Variants in TPRG1 observed in about 807,000 individuals in gnomAD.
TPRG1 encodes tumor protein p63 regulated 1.
TPRG1 carries 29 observed loss-of-function variants against 29.3 expected under a neutral mutation model. The observed-to-expected ratio is 0.99, with a 90% CI of 0.74 to 1.35. The LOEUF is 1.35. Among genes scored for constraint, TPRG1 ranks in the 40% most tolerant of loss-of-function variants. The probability of loss-of-function intolerance (pLI) is 0.00; values close to 1 mark genes in which losing one functional copy is unlikely to be tolerated. For missense variants in TPRG1, 327 were observed against 335.0 expected (o/e 0.98, Z 0.19); for synonymous variants, 130 against 116.8 (o/e 1.11, Z -0.73).
intron 5 of TPRG1, among the ~76,000 whole-genome samples, chr3:189,313,643 C>A (rs1560691928): frequency 6.6e-6 from 1 of 152,108 alleles, no homozygotes; most frequent in Non-Finnish European, 1.5e-5. Context: ...AGAGTCATTT[C>A]TTCTACTGTA....
chr3:189,259,798 A>G (rs1181182804), intron 4 of TPRG1, among the ~76,000 whole-genome samples: 1 of 152,152 alleles, frequency 6.6e-6, no homozygotes, highest in Admixed American at 6.5e-5. Context: ...ATAAGAAACA[A>G]CAGTGAAGGA....
intron 3 of TPRG1, among the ~76,000 whole-genome samples, chr3:189,018,345 G>A (rs1244012967): frequency 3.6e-4 from 53 of 147,798 alleles, no homozygotes; most frequent in Non-Finnish European, 6.8e-4. Flanking sequence ...GTTTTCTTCT[G>A]GGGTTTTTAT....
intron 4 of TPRG1, among the ~76,000 whole-genome samples, chr3:189,084,457 A>C (rs1166943457): frequency 6.6e-6 from 1 of 152,104 alleles, no homozygotes; most frequent in Non-Finnish European, 1.5e-5. Flanking sequence ...TCAGAATTCC[A>C]CTCAGCTTGT....
At chr3:189,210,110 G>A (rs1374533184) in intron 2 of TPRG1, among the ~76,000 whole-genome samples, 2 of 152,014 alleles carry the variant, frequency 1.3e-5, no homozygotes, top group Non-Finnish European at 2.9e-5. Context: ...AAACTGGAGA[G>A]AAATGTGTGT....
intron 1 of TPRG1, among the ~76,000 whole-genome samples, chr3:189,190,724 A>G (rs1009766202): frequency 1.3e-5 from 2 of 152,218 alleles, no homozygotes; most frequent in Non-Finnish European, 2.9e-5. Context: ...ATCAATGTGC[A>G]TATTTTTATA....
chr3:189,317,803 C>T (rs1723784273), intron 5 of TPRG1, among the ~76,000 whole-genome samples: 1 of 152,086 alleles, frequency 6.6e-6, no homozygotes, highest in Non-Finnish European at 1.5e-5. Context: ...CTGATAAAGA[C>T]TAATTCAGTT....
chr3:189,290,965 C>G (rs536981337), intron 4 of TPRG1, among the ~76,000 whole-genome samples: 1 of 151,888 alleles, frequency 6.6e-6, no homozygotes, highest in Admixed American at 6.6e-5. Flanking sequence ...TGCAGTGGCC[C>G]GATCTCCACT....
intron 4 of TPRG1, among the ~76,000 whole-genome samples, chr3:189,027,019 A>C (rs1233788322): frequency 6.6e-6 from 1 of 152,184 alleles, no homozygotes; most frequent in African/African-American, 2.4e-5. Context: ...TGTGCTGATC[A>C]ATGTGTTAAC....
At chr3:189,184,750 C>G (rs1312337583) in intron 1 of TPRG1, among the ~76,000 whole-genome samples, 1 of 152,198 alleles carries the variant, frequency 6.6e-6, no homozygotes, top group Admixed American at 6.5e-5. Context: ...CTGATTACCT[C>G]TATGTTCTTC....
At chr3:189,144,044 A>C (rs1203556080) in intron 3 of TPRG1, among the ~76,000 whole-genome samples, 1 of 152,228 alleles carries the variant, frequency 6.6e-6, no homozygotes, top group Non-Finnish European at 1.5e-5. Flanking sequence ...TGCTTTCTGG[A>C]AACATTCTCA....
chr3:189,010,777 T>C (rs2152122671), intron 3 of TPRG1, among the ~76,000 whole-genome samples: 1 of 152,282 alleles, frequency 6.6e-6, no homozygotes, highest in East Asian at 1.9e-4. Flanking sequence ...AGCTCTTTAG[T>C]TAATTAGATC....
At chr3:189,230,382 T>C (rs1738449433) in intron 3 of TPRG1, among the ~76,000 whole-genome samples, 1 of 152,050 alleles carries the variant, frequency 6.6e-6, no homozygotes, top group Admixed American at 6.6e-5. Context: ...GGTTGTTCCA[T>C]CTGTAAAGTG....
At chr3:189,284,913 G>A (rs2109160030) in intron 4 of TPRG1, among the ~76,000 whole-genome samples, 1 of 152,182 alleles carries the variant, frequency 6.6e-6, no homozygotes, top group Admixed American at 6.5e-5. Flanking sequence ...CAAAAGCAAT[G>A]GCAACAAAAG....
At chr3:189,060,473 C>T (rs959364872) in intron 4 of TPRG1, among the ~76,000 whole-genome samples, 2 of 152,084 alleles carry the variant, frequency 1.3e-5, no homozygotes, top group Non-Finnish European at 2.9e-5. Flanking sequence ...AAATAAACAG[C>T]ATCCAAATTG....
intron 1 of TPRG1, among the ~76,000 whole-genome samples, chr3:189,184,113 G>C (rs2108709975): frequency 6.6e-6 from 1 of 152,260 alleles, no homozygotes; most frequent in Non-Finnish European, 1.5e-5. Context: ...CAGTCCCTCT[G>C]TTTGGGGTCC....
intron 4 of TPRG1, among the ~76,000 whole-genome samples, chr3:189,256,160 A>G (rs1711835735): frequency 6.6e-6 from 1 of 152,108 alleles, no homozygotes; most frequent in Non-Finnish European, 1.5e-5. Context: ...AGTGCTATAA[A>G]TTTCCTTCTA....
intron 4 of TPRG1, among the ~76,000 whole-genome samples, chr3:189,259,807 G>A (rs1484680779): frequency 6.6e-6 from 1 of 152,072 alleles, no homozygotes; most frequent in Non-Finnish European, 1.5e-5. Flanking sequence ...AACAGTGAAG[G>A]AACTGCAATT....
rs368702166 is a variant in TPRG1 at position 189,299,943 on chromosome 3, G to C, written c.480-10443G>C. On this transcript the variant is annotated intron_variant, in intron 4 of 5. Transcript: ENST00000345063. ...AAAGGTTGTGTATCTGGCTGAGAAA[G>C]TGTTTCTGAATTTGGTAGGCAACTG... 2.6e-5 allele frequency among the ~76,000 whole-genome samples: 4 copies of C among 152,186 alleles called. No individual in the cohort carries two copies. The East Asian group carries it at 7.7e-4, about 29-fold the overall frequency.
intron 4 of TPRG1, among the ~76,000 whole-genome samples, chr3:189,256,449 T>G (rs1165538426): frequency 6.6e-6 from 1 of 152,142 alleles, no homozygotes; most frequent in East Asian, 1.9e-4. Context: ...TTAGAATAAA[T>G]GCTAAGTGGT....
Sources: gnomAD v4.1 joint callset for allele counts (sites outside exome capture counted in the v4.1 genomes callset) on GRCh38, gnomAD v4.1.1 for gene constraint, MANE v1.5 for transcripts, NCBI Gene and HGNC (gene_info 2026-07-23, HGNC 2026-07-21) for gene names.